Variants in ABCC8 observed in about 807,000 individuals in gnomAD.
ABCC8 encodes ATP binding cassette subfamily C member 8.
A neutral mutation model predicts 188.0 loss-of-function variants in ABCC8; 137 were observed. That is an observed-to-expected ratio of 0.73 (90% confidence interval 0.63 to 0.84). ABCC8 has a LOEUF of 0.84. ABCC8 is among the 40% of genes least tolerant of loss of function. The probability of loss-of-function intolerance (pLI) is 0.00; values close to 1 mark genes in which losing one functional copy is unlikely to be tolerated. For missense variants in ABCC8, 1,750 were observed against 2,072.7 expected, an observed-to-expected ratio of 0.84 and a Z score of 3.02; for synonymous variants, 797 against 846.5, an observed-to-expected ratio of 0.94 and a Z score of 1.01.
In ABCC8 at chr11:17,428,016, C is replaced by A. The variant is rs1451191080; in HGVS notation, c.2041-74G>T. 3 of 1,588,868 alleles carry A rather than the reference C, an allele frequency of 1.9e-6. 1 individual carries two copies. Among genetic ancestry groups the A allele is most frequent in the South Asian group, 2.3e-5 (2 of 88,318 alleles). On this transcript the variant is annotated intron_variant, in intron 14 of 38. Coordinates refer to ENST00000389817, the MANE Select transcript of ABCC8 (RefSeq NM_000352.6). ...GTTCCCAGTGAATAGTCTCTGGCTT[C>A]CCCTCCTCCATGAAAGCCAAAAGAC...
chr11:17,413,089 G>A, intron 20 of ABCC8: 1 of 596,842 alleles, frequency 1.7e-6, no homozygotes, highest in Non-Finnish European at 2.9e-6. Flanking sequence ...CCATCTGGAG[G>A]ATGAACAGGA....
chr11:17,465,898 C>T (rs11024295), intron 3 of ABCC8, among the ~76,000 whole-genome samples: 64,876 of 151,944 alleles, frequency 0.43, 14,428 homozygotes, highest in African/African-American at 0.56. Flanking sequence ...ATGATTATGT[C>T]GAAAACCCCT....
At position 17,406,962 on chromosome 11, in the gene ABCC8, C is replaced by T. The variant is rs1225850029; in HGVS notation, c.3088G>A (p.Asp1030Asn). 2 of 1,614,134 alleles carry T rather than the reference C, an allele frequency of 1.2e-6. No individual in the cohort carries two copies. The highest frequency in any genetic ancestry group is 2.2e-5 in the East Asian group (1 of 44,874). ...TCGGTCCACTTGGCCAGCCAGTAGT[C>T]GATGGCCACCAGGACCATGTGCTTG... ...LLKHMVLVAI[D>N]YWLAKWTDSA... Residue 1030 changes from aspartate (D) to asparagine (N), a missense_variant, in exon 25 of 39, where the codon GAC becomes AAC. Asp to Asn is a conservative substitution (Grantham distance 23, BLOSUM62 1). Transcript: ENST00000389817.
Position 17,404,375 on chromosome 11 carries a change from A to T in ABCC8, c.3557+137T>A. ...GGTGGAATAAGATGTGGATATTTCT[A>T]TTTCCTTCATTTCTGTTTTTTGTTT... is the stretch of plus-strand genomic sequence containing the variant. On this transcript the variant is annotated intron_variant, in intron 28 of 38. Coordinates refer to ENST00000389817, the MANE Select transcript of ABCC8 (RefSeq NM_000352.6). This position sits in a 1 kb window ranked among gnomAD's most constrained non-coding sequence, Gnocchi z 4.7. The T allele has an allele frequency of 6.7e-5, 42 of 624,988 alleles. No individual in the cohort carries two copies. The highest frequency in any genetic ancestry group is 1.1e-4 in the Non-Finnish European group (38 of 332,408). 38.7% of individuals were successfully genotyped at this position (624,988 alleles called of 1,614,324 possible).
At chr11:17,408,260 T>C in intron 23 of ABCC8, 132 bp downstream of exon 23, 1 of 872,404 alleles carries the variant, frequency 1.1e-6, no homozygotes, top group East Asian at 2.5e-5. Context: ...AGCCAGTTCA[T>C]GCCCAGCTCC....
chr11:17,393,129 C>A lies in ABCC8; in HGVS notation c.4609-1G>T. The A allele has an allele frequency of 3.2e-6, 5 of 1,587,026 alleles. No individual in the cohort carries two copies. Among genetic ancestry groups the A allele is most frequent in the Non-Finnish European group, 4.3e-6 (5 of 1,163,522 alleles). On this transcript the variant is annotated splice_acceptor_variant, in intron 38 of 38. Transcript: ENST00000389817. LOFTEE classifies it high-confidence loss of function. ...CACTCAGGATGGTGTGCACTCGATGCTGGGCAGGGCAGGAGGGGGCGGGTC... is the reference window on the plus strand; with the variant it reads ...CACTCAGGATGGTGTGCACTCGATGATGGGCAGGGCAGGAGGGGGCGGGTC...
chr11:17,464,347 G>C (rs575967921), intron 3 of ABCC8, among the ~76,000 whole-genome samples: 1 of 152,346 alleles, frequency 6.6e-6, no homozygotes, highest in Admixed American at 6.5e-5. Context: ...GGGGGATACG[G>C]AAAGAGCCAG....
At chr11:17,458,914 C>T (rs1957089969) in intron 6 of ABCC8, among the ~76,000 whole-genome samples, 1 of 152,182 alleles carries the variant, frequency 6.6e-6, no homozygotes, top group African/African-American at 2.4e-5. Flanking sequence ...TCACATGTAA[C>T]ACATAGCATA....
intron 37 of ABCC8, 192 bp from the exon 38 acceptor site, chr11:17,393,951 C>CTGTG (rs1285783669): frequency 1.4e-6 from 1 of 733,408 alleles, no homozygotes; most frequent in African/African-American, 1.9e-5. Context: ...GAGCTCAGCT[C>CTGTG]TGTGTGTGTA....
chr11:17,428,058 G>A, intron 14 of ABCC8, 116 bp from the exon 15 acceptor site: 1 of 1,589,396 alleles, frequency 6.3e-7, no homozygotes, highest in Non-Finnish European at 8.6e-7. Context: ...TCCAGCCCCT[G>A]GATCACTTCC....
intron 6 of ABCC8, among the ~76,000 whole-genome samples, chr11:17,456,371 G>T (rs781663125): frequency 2.6e-5 from 4 of 152,190 alleles, no homozygotes; most frequent in Admixed American, 6.5e-5. Flanking sequence ...TGAGTTAGCT[G>T]CAGAGGTAGG....
At chr11:17,455,782 A>C (rs528655941) in intron 6 of ABCC8, among the ~76,000 whole-genome samples, 1 of 152,058 alleles carries the variant, frequency 6.6e-6, no homozygotes, top group East Asian at 1.9e-4. Context: ...TACTAAAAAT[A>C]CAAAAAAATA....
intron 10 of ABCC8, among the ~76,000 whole-genome samples, chr11:17,441,401 T>TGCCAC (rs1253336889): frequency 6.6e-6 from 1 of 152,216 alleles, no homozygotes; most frequent in Non-Finnish European, 1.5e-5. Flanking sequence ...TTACTCTCCT[T>TGCCAC]GCCACGTTCT....
chr11:17,394,986 T>G (rs1271397219), intron 36 of ABCC8, 186 bp downstream of exon 36: 9 of 704,600 alleles, frequency 1.3e-5, no homozygotes, highest in Non-Finnish European at 2.2e-5. Flanking sequence ...AACTGACCAG[T>G]TGTGTGACCT....
chr11:17,423,457 T>C (rs180931630), intron 16 of ABCC8, among the ~76,000 whole-genome samples: 2 of 147,692 alleles, frequency 1.4e-5, no homozygotes, highest in African/African-American at 2.5e-5. Context: ...CTCAACTGGG[T>C]GAGTGAATAC....
At chr11:17,471,264 G>A (rs576323485) in intron 2 of ABCC8, among the ~76,000 whole-genome samples, 32 of 152,332 alleles carry the variant, frequency 2.1e-4, no homozygotes, top group African/African-American at 7.2e-4. Flanking sequence ...TGATACTGCC[G>A]ATGGACAGAG....
In ABCC8 at chr11:17,442,747, C is replaced by T. The variant is rs1393328052; in HGVS notation, c.1603G>A (p.Ala535Thr). Residue 535 changes from alanine (A) to threonine (T), a missense_variant, in exon 10 of 39, where the codon GCC becomes ACC. Ala to Thr is a moderately conservative substitution (Grantham distance 58, BLOSUM62 0). Transcript: ENST00000389817. ...GAGATGGAGGTATAGATGGCAAAGG[C>T]CCTGAGGCTGGTCATCTCCTTCCTG... The part of the protein sequence containing the change: ...TRRKEMTSLR[A>T]FAIYTSISIF... 2 of 1,613,844 alleles carry T rather than the reference C, an allele frequency of 1.2e-6. No individual in the cohort carries two copies. Among genetic ancestry groups the T allele is most frequent in the Admixed American group, 1.7e-5 (1 of 60,026 alleles).
intron 2 of ABCC8, among the ~76,000 whole-genome samples, chr11:17,473,580 C>G (rs1347146451): frequency 1.3e-5 from 2 of 152,080 alleles, no homozygotes; most frequent in Non-Finnish European, 2.9e-5. Flanking sequence ...AGCCAAATAT[C>G]CCTCTCCTCC....
intron 2 of ABCC8, among the ~76,000 whole-genome samples, chr11:17,474,319 T>C (rs189505097): frequency 1.9e-4 from 29 of 152,340 alleles, no homozygotes; most frequent in Non-Finnish European, 3.7e-4. Flanking sequence ...AAGACAGTTT[T>C]GCAAATAGAC....
Sources: allele counts gnomAD v4.1 joint callset (sites outside exome capture counted in the v4.1 genomes callset), GRCh38; gene constraint gnomAD v4.1.1; non-coding constraint Gnocchi (gnomAD v3.1); transcripts MANE v1.5; gene names NCBI Gene and HGNC (gene_info 2026-07-23, HGNC 2026-07-21).